Variants in DNAJC9 observed in about 807,000 individuals in gnomAD.
The protein encoded by DNAJC9 is dnaJ homolog subfamily C member 9.
A neutral mutation model predicts 32.4 loss-of-function variants in DNAJC9; 18 were observed. The ratio of observed to expected loss-of-function variants is 0.56; its 90% CI spans 0.38 to 0.82. DNAJC9 has a LOEUF of 0.82. Ranked by LOEUF, DNAJC9 falls within the 40% of genes least tolerant of loss-of-function variation. The pLI, the probability that DNAJC9 is intolerant of heterozygous loss-of-function variation, is 0.00. For synonymous variants in DNAJC9, 113 were observed against 122.1 expected (o/e 0.93, Z 0.49); for missense variants, 310 against 321.8 (o/e 0.96, Z 0.28).
rs1451218446 is a variant in DNAJC9, at chr10:73,246,177, C to T, written c.322-1G>A. 13 of 1,597,894 alleles carry T rather than the reference C, an allele frequency of 8.1e-6. No individual in the cohort carries two copies. Among genetic ancestry groups the T allele is most frequent in the Non-Finnish European group, 1.0e-5 (12 of 1,176,356 alleles). Reference sequence around the variant, plus strand: ...AAGCTTGAATGTCCTCTAAAGATATCTGATGATAAAGGAGATTTGCTTTAA... The same window carrying T: ...AAGCTTGAATGTCCTCTAAAGATATTTGATGATAAAGGAGATTTGCTTTAA... On this transcript the variant is annotated splice_acceptor_variant, in intron 2 of 4. Transcript: ENST00000372950. LOFTEE classifies it high-confidence loss of function.
At chr10:73,234,515 C>A, downstream of DNAJC9, 4 of 281,300 alleles carry the variant, frequency 1.4e-5, no homozygotes, top group South Asian at 9.6e-5. Flanking sequence ...TTTACAAATC[C>A]AAATCAGCAG....
At chr10:73,234,683 G>A (rs1338551868), downstream of DNAJC9, 2 of 958,280 alleles carry the variant, frequency 2.1e-6, no homozygotes, top group Non-Finnish European at 3.0e-6. Context: ...ATCTCTACTT[G>A]AAAACATAGG....
chr10:73,240,923 T>C, downstream of DNAJC9: 5 of 1,395,220 alleles, frequency 3.6e-6, no homozygotes, highest in Non-Finnish European at 5.0e-6. Flanking sequence ...TGTCTACTAA[T>C]GTTACTCTAT....
chr10:73,233,094 C>A lies in DNAJC9; in HGVS notation n.147+10749G>T, dbSNP rs567292300. 5 of 1,551,658 alleles carry A rather than the reference C, an allele frequency of 3.2e-6. No individual in the cohort carries two copies. In the South Asian group the frequency reaches 3.6e-5, roughly 11 times the overall value. On this transcript the variant is annotated intron_variant and non_coding_transcript_variant, in intron 2 of 2. Transcript: ENST00000469143. ...AATCCACCACCACGAACTCTTCATC[C>A]GATCAGCACGAGCCATTCATGTGCT... is the stretch of plus-strand genomic sequence containing the variant.
At chr10:73,243,742 G>T in intron 4 of DNAJC9, 101 bp downstream of exon 4, 1 of 1,202,200 alleles carries the variant, frequency 8.3e-7, no homozygotes, top group Non-Finnish European at 1.2e-6. Context: ...AAGGTATGCG[G>T]TTATGTCTTA....
intron 2 of DNAJC9, 140 bp downstream of exon 2, chr10:73,246,548 G>A (rs2044012418): frequency 1.1e-6 from 1 of 924,872 alleles, no homozygotes; most frequent in South Asian, 1.6e-5. Flanking sequence ...AAGCGTGCGT[G>A]TATCTGTATT....
At chr10:73,233,127 C>T in intron 2 of DNAJC9, 1 of 1,551,718 alleles carries the variant, frequency 6.4e-7, no homozygotes, top group Non-Finnish European at 8.7e-7. Context: ...GCTGAAACAC[C>T]AAGATCTGTG....
downstream of DNAJC9, chr10:73,235,293 G>C (rs368000228): frequency 5.9e-5 from 91 of 1,551,914 alleles, no homozygotes; most frequent in Non-Finnish European, 7.4e-5. Flanking sequence ...TTTTTCCCCA[G>C]GCCCAACACA....
rs1413442297 is a variant in DNAJC9, at chr10:73,243,758, A to G, written c.663+85T>C. 7.4e-6 allele frequency: 10 copies of G among 1,343,440 alleles called. No homozygotes were observed. In the East Asian group the frequency reaches 2.1e-4, roughly 28 times the overall value. The allele number at this position is 1,343,440 out of a possible 1,614,324, so 83.2% of individuals were successfully genotyped here. On this transcript the variant is annotated intron_variant, in intron 4 of 4. Transcript: ENST00000372950. Reference sequence around the variant, plus strand: ...AGGTATGCGGTTATGTCTTAAAAGAAGAAAACAAAATACAACATTCCAAAG... The same window carrying G: ...AGGTATGCGGTTATGTCTTAAAAGAGGAAAACAAAATACAACATTCCAAAG...
Position 73,243,379 on chromosome 10 carries a change from C to T in DNAJC9, c.*21G>A, listed in dbSNP as rs932259682. ...GATGGCATCAATTTACACCTAAGGA[C>T]CTTTGAAGAGAAAAATTCCATTATT... is the stretch of plus-strand genomic sequence containing the variant. On this transcript the variant is annotated 3_prime_UTR_variant, in exon 5 of 5. Transcript: ENST00000372950. 6.2e-7 allele frequency: 1 copy of T among 1,612,204 alleles called. No individual in the cohort carries two copies. The highest frequency in any genetic ancestry group is 8.5e-7 in the Non-Finnish European group (1 of 1,179,728).
intron 3 of DNAJC9, 199 bp from the exon 4 acceptor site, chr10:73,244,128 C>A: frequency 1.8e-6 from 1 of 566,360 alleles, no homozygotes; most frequent in East Asian, 3.1e-5. Context: ...ATTCCAATTA[C>A]CATTTGTTTT....
At chr10:73,235,435 A>G (rs1344638869), downstream of DNAJC9, 1 of 1,467,304 alleles carries the variant, frequency 6.8e-7, no homozygotes, top group Non-Finnish European at 9.0e-7. Flanking sequence ...ATAAAAGTTG[A>G]GTTTCCAACA....
chr10:73,235,918 A>C (rs2043810199), downstream of DNAJC9, among the ~76,000 whole-genome samples: 1 of 152,186 alleles, frequency 6.6e-6, no homozygotes, highest in South Asian at 2.1e-4. Context: ...AAGTAATAGA[A>C]AAAACCTGAT....
At chr10:73,235,171 G>C (rs962681996), downstream of DNAJC9, 25 of 1,550,864 alleles carry the variant, frequency 1.6e-5, no homozygotes, top group African/African-American at 2.5e-4. Flanking sequence ...CACTGTTTCT[G>C]TAACTTTTGT....
At chr10:73,241,791 T>C (rs1235458075), downstream of DNAJC9, 2 of 152,230 alleles carry the variant, frequency 1.3e-5, no homozygotes, top group African/African-American at 2.4e-5. Flanking sequence ...TAAAAATAAT[T>C]TGTAGAATCT....
At chr10:73,239,736 G>C (rs2043899908), downstream of DNAJC9, among the ~76,000 whole-genome samples, 1 of 151,746 alleles carries the variant, frequency 6.6e-6, no homozygotes, top group Non-Finnish European at 1.5e-5. Context: ...AACATAGCAT[G>C]GATTTTATTA....
At chr10:73,245,801 T>TA in intron 3 of DNAJC9, 121 bp downstream of exon 3, 1 of 1,258,764 alleles carries the variant, frequency 7.9e-7, no homozygotes. Flanking sequence ...ATCGAAACTA[T>TA]AGACCAAGTT....
rs763244185 is a variant in DNAJC9 at position 73,246,648 on chromosome 10, T to C, written c.321+40A>G. ...AGTCAATAAAGGTTTGTTGATTGAA[T>C]GATGGTAACAGTCACAAAGAAACCT... On this transcript the variant is annotated intron_variant, in intron 2 of 4. Coordinates refer to ENST00000372950, the MANE Select transcript of DNAJC9 (RefSeq NM_015190.5). 3.1e-6 allele frequency: 5 copies of C among 1,608,532 alleles called. No homozygotes were observed. The South Asian group carries it at 3.3e-5, about 11-fold the overall frequency.
In DNAJC9 at chr10:73,245,954, A is replaced by T; in HGVS notation, c.544T>A (p.Ser182Thr). The T allele has an allele frequency of 1.2e-6, 2 of 1,611,872 alleles. No individual in the cohort carries two copies. The highest frequency in any genetic ancestry group is 1.7e-6 in the Non-Finnish European group (2 of 1,179,392). ...TTCCTTGCATTCATCTTTTGTTTCG[A>T]TTCTTTGACAAAGGCATTATAGGAT... The part of the protein sequence containing the change: ...VPSYNAFVKE[S>T]KQKMNARKRR... The change falls in exon 3 of 5, where the codon TCG becomes ACG. Residue 182 changes from serine (S) to threonine (T), a missense_variant. By Grantham distance (58) the Ser-to-Thr change is moderately conservative. Coordinates refer to ENST00000372950, the MANE Select transcript of DNAJC9 (RefSeq NM_015190.5).
Sources: allele counts gnomAD v4.1 joint callset (sites outside exome capture counted in the v4.1 genomes callset), GRCh38; gene constraint gnomAD v4.1.1; transcripts MANE v1.5; gene names NCBI Gene and HGNC (gene_info 2026-07-23, HGNC 2026-07-21).